Variants in NIPBL observed in about 807,000 individuals in gnomAD.
NIPBL encodes nipped-B-like protein.
A neutral mutation model predicts 321.8 loss-of-function variants in NIPBL; 19 were observed. That is an observed-to-expected ratio of 0.06 (90% CI 0.04 to 0.09). The LOEUF (loss-of-function observed/expected upper bound fraction) is 0.09. Among genes scored for constraint, NIPBL ranks in the 10% least tolerant of loss-of-function variants. NIPBL has a pLI of 1.00. For missense variants in NIPBL, 2,210 were observed against 3,327.0 expected (o/e 0.66, Z 8.26); for synonymous variants, 1,106 against 1,114.1 (o/e 0.99, Z 0.14).
chr5:37,009,550 CTGAAGAAAAACTA>C (rs1254466922), intron 20 of NIPBL, among the ~76,000 whole-genome samples: 29 of 152,092 alleles, frequency 1.9e-4, no homozygotes, highest in African/African-American at 5.1e-4. Flanking sequence ...TCTGTTAAAC[CTGAAGAAAAACTA>C]TGAAGAAAAA....
chr5:36,894,490 T>C (rs1268740255), intron 1 of NIPBL, among the ~76,000 whole-genome samples: 1 of 152,180 alleles, frequency 6.6e-6, no homozygotes, highest in East Asian at 1.9e-4. Context: ...TATAATATAT[T>C]CGTATATACA....
intron 11 of NIPBL, among the ~76,000 whole-genome samples, chr5:36,998,676 G>A (rs1300230071): frequency 2.0e-5 from 3 of 152,048 alleles, no homozygotes; most frequent in Non-Finnish European, 4.4e-5. Context: ...GCTTTCTGAA[G>A]AAGTTTGCTT....
intron 1 of NIPBL, among the ~76,000 whole-genome samples, chr5:36,944,084 T>C (rs528082473): frequency 7.2e-5 from 11 of 152,010 alleles, no homozygotes; most frequent in African/African-American, 2.4e-4. Flanking sequence ...AATTAAGCCA[T>C]TGTTGGAGAG....
chr5:36,916,418 G>A (rs886736235), intron 1 of NIPBL, among the ~76,000 whole-genome samples: 12 of 152,158 alleles, frequency 7.9e-5, no homozygotes, highest in African/African-American at 2.9e-4. Flanking sequence ...AGGTTGTTTA[G>A]TATCAGTTGT....
intron 1 of NIPBL, among the ~76,000 whole-genome samples, chr5:36,916,410 G>T (rs532367396): frequency 6.6e-6 from 1 of 152,190 alleles, no homozygotes; most frequent in Non-Finnish European, 1.5e-5. Flanking sequence ...GACATGTCAG[G>T]TTGTTTAGTA....
intron 1 of NIPBL, among the ~76,000 whole-genome samples, chr5:36,879,778 C>CT (rs1450958671): frequency 6.6e-6 from 1 of 152,058 alleles, no homozygotes; most frequent in Admixed American, 6.5e-5. Context: ...TATTGTTTCT[C>CT]TTAACTCTGA....
intron 32 of NIPBL, among the ~76,000 whole-genome samples, chr5:37,032,491 C>T (rs1751181492): frequency 6.6e-6 from 1 of 150,750 alleles, no homozygotes; most frequent in Admixed American, 6.7e-5. Context: ...ATCCAGGAGC[C>T]AGGCTCAGTA....
intron 41 of NIPBL, 118 bp from the exon 42 acceptor site, chr5:37,052,248 G>A (rs371465018): frequency 1.7e-5 from 13 of 778,900 alleles, no homozygotes; most frequent in South Asian, 9.3e-5. Context: ...TCTGTGATTC[G>A]TATTATTTTA....
chr5:37,057,152 G>A (rs776958639), intron 42 of NIPBL, 34 bp from the exon 43 acceptor site: 25 of 1,609,362 alleles, frequency 1.6e-5, no homozygotes, highest in East Asian at 6.7e-5. Context: ...TAGATTATCC[G>A]CTAAACATGT....
intron 22 of NIPBL, among the ~76,000 whole-genome samples, chr5:37,015,836 G>A (rs1420901189): frequency 2.0e-5 from 3 of 152,122 alleles, no homozygotes; most frequent in Non-Finnish European, 4.4e-5. Context: ...CTTAATAAAT[G>A]AATTCCCTAT....
chr5:37,046,236 A>G (rs1220343020), intron 38 of NIPBL, 37 bp downstream of exon 38: 1 of 1,043,806 alleles, frequency 9.6e-7, no homozygotes, highest in Non-Finnish European at 1.5e-6. Context: ...TAGCTATTTG[A>G]GAGGGATAGA....
At position 37,044,644 on chromosome 5, in the gene NIPBL, A is replaced by G. The variant is rs1752792184; in HGVS notation, c.6258A>G (p.Gln2086=). The G allele has an allele frequency of 1.9e-6, 3 of 1,613,712 alleles. No individual in the cohort carries two copies. The highest frequency in any genetic ancestry group is 1.7e-4 in the Middle Eastern group (1 of 6,028). The part of the protein sequence containing the change: ...LIIKYGMTVV[Q]HCVSCLGAVV... ...TTTTCTATATCTTTTAGGTAGTGCAACATTGTGTGAGCTGTCTTGGAGCTG... is the reference window on the plus strand; with the variant it reads ...TTTTCTATATCTTTTAGGTAGTGCAGCATTGTGTGAGCTGTCTTGGAGCTG... Residue 2086 remains glutamine (Q), a synonymous_variant, in exon 36 of 47, where the codon CAA becomes CAG. Coordinates refer to ENST00000282516, the MANE Select transcript of NIPBL (RefSeq NM_133433.4).
chr5:37,015,137 T>A (rs78147619), intron 22 of NIPBL, among the ~76,000 whole-genome samples: 2 of 151,880 alleles, frequency 1.3e-5, no homozygotes, highest in South Asian at 2.1e-4. Flanking sequence ...TTTTTTTTTT[T>A]AATGAGACAG....
intron 32 of NIPBL, among the ~76,000 whole-genome samples, chr5:37,034,111 G>C (rs940315869): frequency 2.0e-5 from 3 of 152,006 alleles, no homozygotes; most frequent in Non-Finnish European, 1.5e-5. Flanking sequence ...ATTTCATGGA[G>C]AAAATAGCAT....
At chr5:37,030,664 T>A (rs545022039) in intron 32 of NIPBL, among the ~76,000 whole-genome samples, 26 of 150,856 alleles carry the variant, frequency 1.7e-4, no homozygotes, top group African/African-American at 5.1e-4. Flanking sequence ...ATTTATTGAA[T>A]TTTTTTTTAG....
chr5:36,893,775 T>A (rs73750908), intron 1 of NIPBL, among the ~76,000 whole-genome samples: 6,322 of 152,134 alleles, frequency 0.042, 448 homozygotes, highest in African/African-American at 0.14. Context: ...ATTAGATTTT[T>A]AAAAAAATGA....
chr5:36,986,307 A>T lies in NIPBL; in HGVS notation c.3121+6A>T. 1 of 1,482,146 alleles carries T rather than the reference A, an allele frequency of 6.7e-7. No homozygotes were observed. The highest frequency in any genetic ancestry group is 2.3e-5 in the East Asian group (1 of 43,960). The allele number at this position is 1,482,146 out of a possible 1,614,324, so 91.8% of individuals were successfully genotyped here. The stretch of plus-strand genomic sequence containing the variant: ...ACCATCAAAGTCAAATAAAGGTAAG[A>T]ATACTTCTACTGATGTCATTTATAA... On this transcript the variant is annotated splice_donor_region_variant and intron_variant, in intron 10 of 46. Transcript: ENST00000282516.
chr5:36,976,118 C>T lies in NIPBL; in HGVS notation c.1211C>T (p.Pro404Leu), dbSNP rs776021951. ...TACCCAGGACAGACTTCAAAAACAC[C>T]CATTACTCCACAAGATATAAACCGC... Reference protein sequence around the residue: ...VQYPGQTSKTPITPQDINRPL... With the variant: ...VQYPGQTSKTLITPQDINRPL... Residue 404 changes from proline (P) to leucine (L), a missense_variant, in exon 9 of 47, where the codon CCC becomes CTC. Pro to Leu is a moderately conservative substitution (Grantham distance 98). Around this residue, in one of 14 missense-constraint regions of NIPBL, gnomAD observed 464 missense variants for 529.5 expected, o/e 0.88. Coordinates refer to ENST00000282516, the MANE Select transcript of NIPBL (RefSeq NM_133433.4). 1.2e-6 allele frequency: 2 copies of T among 1,613,766 alleles called. No individual in the cohort carries two copies. Among genetic ancestry groups the T allele is most frequent in the African/African-American group, 2.7e-5 (2 of 74,876 alleles).
intron 3 of NIPBL, among the ~76,000 whole-genome samples, chr5:36,957,835 T>C (rs1234061699): frequency 6.6e-6 from 1 of 151,926 alleles, no homozygotes; most frequent in Admixed American, 6.6e-5. Flanking sequence ...ATACAAAAAT[T>C]AGCTGGGCGT....
Sources: allele counts gnomAD v4.1 joint callset (sites outside exome capture counted in the v4.1 genomes callset), GRCh38; gene constraint gnomAD v4.1.1; regional missense constraint gnomAD v4.1.1; transcripts MANE v1.5; gene names NCBI Gene and HGNC (gene_info 2026-07-23, HGNC 2026-07-21).